The following LARGE1 variants were observed in gnomAD, a reference collection of about 807,000 sequenced individuals.
LARGE1 encodes the protein xylosyl- and glucuronyltransferase LARGE1.
Under a neutral mutation model 87.6 loss-of-function variants are expected in LARGE1, and 43 were observed. That is an observed-to-expected ratio of 0.49 (90% CI 0.38 to 0.63). LARGE1 has a LOEUF of 0.63. LARGE1 is among the 30% of genes least tolerant of loss of function. LARGE1 has a pLI of 0.00. For missense variants in LARGE1, 802 were observed against 1,000.2 expected, an observed-to-expected ratio of 0.80 and a Z score of 2.67; for synonymous variants, 434 against 394.6, an observed-to-expected ratio of 1.10 and a Z score of -1.18.
intron 6 of LARGE1, among the ~76,000 whole-genome samples, chr22:33,543,478 T>TA (rs1301833575): frequency 1.3e-5 from 2 of 152,224 alleles, no homozygotes; most frequent in Non-Finnish European, 2.9e-5. Flanking sequence ...AGCTGGGTAC[T>TA]ATGCTAGGCT....
At chr22:33,309,290 C>G (rs1440552226) in intron 11 of LARGE1, among the ~76,000 whole-genome samples, 1 of 152,186 alleles carries the variant, frequency 6.6e-6, no homozygotes, top group East Asian at 1.9e-4. Flanking sequence ...TCTCAGCCTT[C>G]TGAGTAGCTG....
At position 33,175,559 on chromosome 22, in the gene LARGE1, C is replaced by G. The variant is rs567035796; in HGVS notation, c.1731-8727G>C. Among the ~76,000 whole-genome samples, 5 of 152,136 alleles carry G rather than the reference C, an allele frequency of 3.3e-5. No homozygotes were observed. In the South Asian group the frequency reaches 1.0e-3, roughly 32 times the overall value. On this transcript the variant is annotated intron_variant, in intron 11 of 11. Transcript: ENST00000608642. The stretch of plus-strand genomic sequence containing the variant: ...ATGAGTGAACTCCCATTCACAATTG[C>G]TACAAAGAGAATAAATTCCTAGGAA...
At chr22:33,365,160 C>T (rs2064541435) in intron 9 of LARGE1, among the ~76,000 whole-genome samples, 1 of 152,106 alleles carries the variant, frequency 6.6e-6, no homozygotes, top group South Asian at 2.1e-4. Context: ...CAAAGCACTA[C>T]TTCTATCTGT....
At chr22:33,813,357 T>C (rs1160746441) in intron 1 of LARGE1, among the ~76,000 whole-genome samples, 1 of 151,928 alleles carries the variant, frequency 6.6e-6, no homozygotes, top group Non-Finnish European at 1.5e-5. Context: ...TAAATCAGGA[T>C]TGTATGCTCT....
chr22:33,789,302 T>C (rs933305771), intron 1 of LARGE1, among the ~76,000 whole-genome samples: 33 of 152,112 alleles, frequency 2.2e-4, no homozygotes, highest in Non-Finnish European at 3.1e-4. Context: ...AAGTCAATAA[T>C]TGAGATTTGG....
intron 11 of LARGE1, among the ~76,000 whole-genome samples, chr22:33,217,194 A>G (rs1925246934): frequency 6.6e-6 from 1 of 151,882 alleles, no homozygotes; most frequent in Middle Eastern, 3.4e-3. Context: ...TCAACAGTAG[A>G]GTGAATAAAT....
At chr22:33,842,229 G>A (rs900106656) in intron 1 of LARGE1, among the ~76,000 whole-genome samples, 4 of 152,070 alleles carry the variant, frequency 2.6e-5, no homozygotes, top group African/African-American at 7.3e-5. Flanking sequence ...AAGTGCCTTC[G>A]ACGCACGCTG....
chr22:33,106,336 A>T, the LARGE1 span, among the ~76,000 whole-genome samples: 1 of 152,188 alleles, frequency 6.6e-6, no homozygotes, highest in Non-Finnish European at 1.5e-5. Context: ...CTGCTTAACA[A>T]CACAAACTCC....
intron 1 of LARGE1, among the ~76,000 whole-genome samples, chr22:33,769,436 C>T (rs758406202): frequency 1.3e-5 from 2 of 152,176 alleles, no homozygotes; most frequent in South Asian, 2.1e-4. Context: ...CCCACTGCTG[C>T]CTTGTTCATT....
At chr22:33,859,816 C>T (rs1034518871) in intron 1 of LARGE1, among the ~76,000 whole-genome samples, 1 of 152,196 alleles carries the variant, frequency 6.6e-6, no homozygotes, top group African/African-American at 2.4e-5. Flanking sequence ...ATATCATCGA[C>T]ACGCTACACC....
At chr22:33,827,444 A>G (rs2062831917) in intron 1 of LARGE1, among the ~76,000 whole-genome samples, 1 of 152,182 alleles carries the variant, frequency 6.6e-6, no homozygotes, top group South Asian at 2.1e-4. Context: ...AAAAATACAC[A>G]TAAACTTTTG....
intron 2 of LARGE1, among the ~76,000 whole-genome samples, chr22:33,665,402 C>T (rs112542658): frequency 0.016 from 2,400 of 152,300 alleles, 31 homozygotes; most frequent in Middle Eastern, 0.027. Context: ...TCAAAAGACA[C>T]ATCTTGATAC....
intron 6 of LARGE1, among the ~76,000 whole-genome samples, chr22:33,518,769 G>T (rs2071426852): frequency 2.0e-5 from 3 of 152,166 alleles, no homozygotes; most frequent in South Asian, 4.1e-4. Context: ...AAGTGTAACT[G>T]CACCCCCTGA....
intron 1 of LARGE1, among the ~76,000 whole-genome samples, chr22:33,860,942 C>A (rs1160330106): frequency 1.3e-5 from 2 of 152,182 alleles, no homozygotes; most frequent in Non-Finnish European, 2.9e-5. Flanking sequence ...GCCCGTACAT[C>A]CATGCACCCT....
intron 2 of LARGE1, among the ~76,000 whole-genome samples, chr22:33,723,269 C>T (rs567802087): frequency 6.6e-6 from 1 of 152,232 alleles, no homozygotes; most frequent in African/African-American, 2.4e-5. Flanking sequence ...TAGTGAATTT[C>T]CAGGTTGGCT....
At chr22:33,510,118 C>T (rs2070984126) in intron 6 of LARGE1, among the ~76,000 whole-genome samples, 1 of 152,104 alleles carries the variant, frequency 6.6e-6, no homozygotes, top group East Asian at 1.9e-4. Flanking sequence ...CTACCATAAG[C>T]AAGCAATGTA....
At chr22:33,739,050 C>T (rs555638951) in intron 2 of LARGE1, among the ~76,000 whole-genome samples, 3 of 151,606 alleles carry the variant, frequency 2.0e-5, no homozygotes, top group Admixed American at 2.0e-4. Context: ...CGTGTAACCT[C>T]AGCGTACGTA....
At chr22:33,514,023 T>C (rs1435449544) in intron 6 of LARGE1, among the ~76,000 whole-genome samples, 3 of 152,216 alleles carry the variant, frequency 2.0e-5, no homozygotes, top group East Asian at 1.9e-4. Context: ...GCCCAGGCTG[T>C]AGCCTAGAAG....
At chr22:33,644,722 A>G (rs2080552727) in intron 3 of LARGE1, among the ~76,000 whole-genome samples, 1 of 152,244 alleles carries the variant, frequency 6.6e-6, no homozygotes, top group South Asian at 2.1e-4. Context: ...ATCTCAGGAT[A>G]CAAAACCAAG....
Sources: allele counts gnomAD v4.1 joint callset (sites outside exome capture counted in the v4.1 genomes callset), GRCh38; gene constraint gnomAD v4.1.1; transcripts MANE v1.5; gene names NCBI Gene and HGNC (gene_info 2026-07-23, HGNC 2026-07-21).